Variants in PDCD5 observed in about 807,000 individuals in gnomAD.
PDCD5 encodes the protein programmed cell death protein 5.
A neutral mutation model predicts 21.9 loss-of-function variants in PDCD5; 23 were observed. The observed-to-expected ratio is 1.05, with a 90% CI of 0.76 to 1.49. PDCD5 has a LOEUF of 1.49. PDCD5 is among the 40% of genes most tolerant of loss of function. PDCD5 has a pLI of 0.00. For missense variants in PDCD5, 152 were observed against 147.7 expected (o/e 1.03, Z -0.15); for synonymous variants, 45 against 49.4 (o/e 0.91, Z 0.37).
intron 2 of PDCD5, among the ~76,000 whole-genome samples, chr19:32,584,205 C>A (rs529681351): frequency 6.6e-6 from 1 of 152,262 alleles, no homozygotes; most frequent in South Asian, 2.1e-4. Context: ...TGGAAATGAG[C>A]TTTAAGCCAC....
chr19:32,587,137 G>T, intron 5 of PDCD5, 116 bp from the exon 6 acceptor site: 1 of 897,454 alleles, frequency 1.1e-6, no homozygotes, highest in Non-Finnish European at 1.8e-6. Context: ...TTTAGTTCAC[G>T]CTAAGTTGCT....
At chr19:32,585,684 CA>C (rs1233668817) in intron 3 of PDCD5, 131 bp from the exon 4 acceptor site, 1 of 634,464 alleles carries the variant, frequency 1.6e-6, no homozygotes, top group African/African-American at 1.8e-5. Context: ...AGAGGAGTAA[CA>C]ATACTGTCTT....
chr19:32,587,125 CT>C, intron 5 of PDCD5, 127 bp from the exon 6 acceptor site: 1 of 834,392 alleles, frequency 1.2e-6, no homozygotes, highest in African/African-American at 1.7e-5. Flanking sequence ...CATTCCCACC[CT>C]TTTAGTTCAC....
At chr19:32,585,339 C>CTT (rs982941087) in intron 3 of PDCD5, among the ~76,000 whole-genome samples, 8 of 149,100 alleles carry the variant, frequency 5.4e-5, no homozygotes, top group African/African-American at 1.8e-4. Context: ...GACTTAGGGG[C>CTT]TTTTTATATG....
chr19:32,581,435 C>A, intron 1 of PDCD5, 108 bp downstream of exon 1: 1 of 627,606 alleles, frequency 1.6e-6, no homozygotes, highest in South Asian at 3.7e-5. Flanking sequence ...CCCGGGGCCC[C>A]GGTCCCCTGC....
In PDCD5 at chr19:32,582,306, G is replaced by T. The variant is rs1193862274; in HGVS notation, c.104+74G>T. 18 of 1,323,932 alleles carry T rather than the reference G, an allele frequency of 1.4e-5. No homozygotes were observed. The East Asian group carries it at 4.2e-4, about 31-fold the overall frequency. The allele number at this position is 1,323,932 out of a possible 1,614,324, so 82.0% of individuals were successfully genotyped here. A position where few individuals can be genotyped will look rare whatever the true frequency, so the allele number is the denominator to read the frequency against. ...ATTTCTTTTGCTGTAGTTATTTTAA[G>T]CAGGTGTGTGACTCAGATTTTTTTG... is the stretch of plus-strand genomic sequence containing the variant. On this transcript the variant is annotated intron_variant, in intron 2 of 5. Coordinates refer to ENST00000590247, the MANE Select transcript of PDCD5 (RefSeq NM_004708.4).
chr19:32,587,161 T>C (rs1971485223), intron 5 of PDCD5, 92 bp from the exon 6 acceptor site: 3 of 1,069,282 alleles, frequency 2.8e-6, no homozygotes, highest in African/African-American at 1.6e-5. Context: ...AAGACACAAA[T>C]GTCTTGCTAA....
intron 5 of PDCD5, 74 bp downstream of exon 5, chr19:32,587,003 C>A: frequency 8.1e-7 from 1 of 1,238,124 alleles, no homozygotes; most frequent in Non-Finnish European, 1.2e-6. Flanking sequence ...ATACATCTAC[C>A]ACACATATTT....
intron 5 of PDCD5, 134 bp downstream of exon 5, chr19:32,587,063 G>T: frequency 1.1e-6 from 1 of 898,434 alleles, no homozygotes; most frequent in South Asian, 1.7e-5. Context: ...AGTTTGGGGA[G>T]AAAGGCTGAA....
intron 4 of PDCD5, chr19:32,586,623 G>A (rs772052386): frequency 2.6e-5 from 32 of 1,246,924 alleles, no homozygotes; most frequent in Non-Finnish European, 3.1e-5. Flanking sequence ...TTTTCCTGAG[G>A]AAGCAATTTT....
At chr19:32,583,666 A>G (rs1971450648) in intron 2 of PDCD5, among the ~76,000 whole-genome samples, 1 of 151,938 alleles carries the variant, frequency 6.6e-6, no homozygotes, top group Admixed American at 6.6e-5. Context: ...TCTGTGATAT[A>G]ATAGTTTGTG....
intron 2 of PDCD5, among the ~76,000 whole-genome samples, chr19:32,584,165 G>T (rs1971455098): frequency 6.6e-6 from 1 of 152,118 alleles, no homozygotes; most frequent in Non-Finnish European, 1.5e-5. Context: ...TGGCAGGGCT[G>T]CAGTACTCAA....
chr19:32,583,740 T>C (rs1971451522), intron 2 of PDCD5, among the ~76,000 whole-genome samples: 1 of 151,952 alleles, frequency 6.6e-6, no homozygotes, highest in African/African-American at 2.4e-5. Flanking sequence ...GGGGGAAGAA[T>C]CACTTGAGCA....
chr19:32,584,956 A>G lies in PDCD5; in HGVS notation c.111A>G (p.Ala37=), dbSNP rs750678059. ...AAQQEAKHRE[A]EMRNSILAQV... ...ACCTATGTTTTCGTTGTAGGGAAGC[A>G]GAAATGAGAAACAGTATCTTAGCCC... The change falls in exon 3 of 6, where the codon GCA becomes GCG. Residue 37 remains alanine (A), a synonymous_variant. Transcript: ENST00000590247. 6.2e-7 allele frequency: 1 copy of G among 1,613,694 alleles called. No individual in the cohort carries two copies. Among genetic ancestry groups the G allele is most frequent in the Non-Finnish European group, 8.5e-7 (1 of 1,179,540 alleles).
chr19:32,581,246 G>A lies in PDCD5; in HGVS notation c.-16G>A, dbSNP rs115957116. On this transcript the variant is annotated 5_prime_UTR_variant, in exon 1 of 6. Coordinates refer to ENST00000590247, the MANE Select transcript of PDCD5 (RefSeq NM_004708.4). ...TGCGAGAGTGACCGCGGCTGCTCCAGCGCTGACGCCGAGCCATGGCGGACG... is the reference window on the plus strand; with the variant it reads ...TGCGAGAGTGACCGCGGCTGCTCCAACGCTGACGCCGAGCCATGGCGGACG... The A allele has an allele frequency of 8.8e-4, 1,327 of 1,501,530 alleles. 18 individuals carry two copies. The African/African-American group carries it at 0.018, about 20-fold the overall frequency. The allele number at this position is 1,501,530 out of a possible 1,614,324, so 93.0% of individuals were successfully genotyped here.
In PDCD5 at chr19:32,587,307, A is replaced by G. The variant is rs375939116; in HGVS notation, c.*7A>G. ...TGAAGATGACGATTATTGAACTACA[A>G]GTGCTCACAGACTAGAACTTAACGG... On this transcript the variant is annotated 3_prime_UTR_variant, in exon 6 of 6. Transcript: ENST00000590247. The G allele has an allele frequency of 9.4e-5, 149 of 1,593,304 alleles. No individual in the cohort carries two copies. In the African/African-American group the frequency reaches 1.7e-3, roughly 18 times the overall value.
chr19:32,582,141 T>C, intron 1 of PDCD5, 54 bp from the exon 2 acceptor site: 1 of 1,342,524 alleles, frequency 7.4e-7, no homozygotes, highest in Non-Finnish European at 1.1e-6. Context: ...CCGTTCCTTT[T>C]TCCCGCCGCC....
chr19:32,584,250 G>A (rs951428262), intron 2 of PDCD5, among the ~76,000 whole-genome samples: 1 of 152,186 alleles, frequency 6.6e-6, no homozygotes, highest in African/African-American at 2.4e-5. Context: ...AGCTGGGAGT[G>A]GATAGTGGGC....
chr19:32,586,438 GGA>G, intron 4 of PDCD5: 1 of 1,121,934 alleles, frequency 8.9e-7, no homozygotes, highest in Non-Finnish European at 1.1e-6. Flanking sequence ...TGCTTGTGTG[GGA>G]GAGAGCTGGT....
Sources: allele counts gnomAD v4.1 joint callset (sites outside exome capture counted in the v4.1 genomes callset), GRCh38; gene constraint gnomAD v4.1.1; transcripts MANE v1.5; gene names NCBI Gene and HGNC (gene_info 2026-07-23, HGNC 2026-07-21).